Variants in UBR3 observed in about 807,000 individuals in gnomAD.
UBR3 encodes E3 ubiquitin-protein ligase UBR3.
In UBR3, 85 loss-of-function variants were observed where a neutral mutation model predicts 243.2. The observed-to-expected ratio is 0.35, with a 90% CI of 0.29 to 0.42. The LOEUF is 0.42. UBR3 is among the 10% of genes least tolerant of loss of function. The probability of loss-of-function intolerance (pLI) is 1.00; values close to 1 mark genes in which losing one functional copy is unlikely to be tolerated. For synonymous variants in UBR3, 748 were observed against 799.8 expected (o/e 0.94, Z 1.09); for missense variants, 1,686 against 2,300.8 (o/e 0.73, Z 5.47).
chr2:170,083,672 A>G lies in UBR3; in HGVS notation c.*1829A>G, dbSNP rs187013722. Reference sequence around the variant, plus strand: ...ATAATGTATTCAGACTTTGATTACTACTTATTTAAAATGGAATGTTTTATG... The same window carrying G: ...ATAATGTATTCAGACTTTGATTACTGCTTATTTAAAATGGAATGTTTTATG... On this transcript the variant is annotated 3_prime_UTR_variant, in exon 39 of 39. Coordinates refer to ENST00000272793, the MANE Select transcript of UBR3 (RefSeq NM_172070.4). 26 of 152,726 alleles carry G rather than the reference A, an allele frequency of 1.7e-4. No homozygotes were observed. Among genetic ancestry groups the G allele is most frequent in the Admixed American group, 1.1e-3 (17 of 15,296 alleles). 9.5% of individuals were successfully genotyped at this position (152,726 alleles called of 1,614,324 possible). A position where few individuals can be genotyped will look rare whatever the true frequency, so the allele number is the denominator to read the frequency against.
chr2:169,905,800 G>A (rs2084990115), intron 9 of UBR3, among the ~76,000 whole-genome samples: 2 of 152,176 alleles, frequency 1.3e-5, no homozygotes, highest in African/African-American at 2.4e-5. Flanking sequence ...AAGATATTCA[G>A]TTTATTACAT....
At position 169,947,687 on chromosome 2, in the gene UBR3, C is replaced by T; in HGVS notation, c.3056C>T (p.Thr1019Ile). The change falls in exon 22 of 39, where the codon ACT becomes ATT. Residue 1019 changes from threonine (T) to isoleucine (I), a missense_variant. Thr to Ile is a moderately conservative substitution (Grantham distance 89). This residue lies in a region of UBR3 where 300 missense variants were observed against 314.4 expected (regional missense o/e 0.95). Coordinates refer to ENST00000272793, the MANE Select transcript of UBR3 (RefSeq NM_172070.4). ...GTAAAGAGAGACTCACCTGCAAGTA[C>T]TAGCTCTGATAACTTGGGTTCTTTA... is the stretch of plus-strand genomic sequence containing the variant. ...PEVKRDSPAS[T>I]SSDNLGSLQN... 6.6e-7 allele frequency: 1 copy of T among 1,517,862 alleles called. No individual in the cohort carries two copies. The highest frequency in any genetic ancestry group is 8.8e-7 in the Non-Finnish European group (1 of 1,132,590). The allele number at this position is 1,517,862 out of a possible 1,614,324, so 94.0% of individuals were successfully genotyped here. A position where few individuals can be genotyped will look rare whatever the true frequency, so the allele number is the denominator to read the frequency against.
At chr2:169,898,511 A>G (rs1281503533) in intron 8 of UBR3, among the ~76,000 whole-genome samples, 1 of 142,006 alleles carries the variant, frequency 7.0e-6, no homozygotes, top group Non-Finnish European at 1.6e-5. Flanking sequence ...AGGGAGTTGA[A>G]GTCAATGATC....
chr2:170,010,756 A>C (rs1045616957), intron 29 of UBR3, among the ~76,000 whole-genome samples: 1 of 152,226 alleles, frequency 6.6e-6, no homozygotes, highest in African/African-American at 2.4e-5. Flanking sequence ...AATTCTGAAA[A>C]TGAGTGTATA....
intron 30 of UBR3, among the ~76,000 whole-genome samples, chr2:170,021,712 A>G (rs2090396987): frequency 6.6e-6 from 1 of 152,148 alleles, no homozygotes; most frequent in African/African-American, 2.4e-5. Context: ...TATCCCCATG[A>G]TAAAGTTTAT....
intron 37 of UBR3, 84 bp downstream of exon 37, chr2:170,080,107 C>A: frequency 8.1e-7 from 1 of 1,233,376 alleles, no homozygotes; most frequent in Non-Finnish European, 1.1e-6. Context: ...TTCATATTAA[C>A]TACTCTTTGA....
intron 19 of UBR3, among the ~76,000 whole-genome samples, chr2:169,937,408 C>T (rs1329827047): frequency 1.3e-5 from 2 of 152,124 alleles, no homozygotes; most frequent in Non-Finnish European, 2.9e-5. Flanking sequence ...TGGATATTAG[C>T]CCTTTGTCAG....
chr2:169,849,423 A>G (rs374481205), intron 1 of UBR3, among the ~76,000 whole-genome samples: 7 of 152,144 alleles, frequency 4.6e-5, no homozygotes, highest in African/African-American at 1.7e-4. Flanking sequence ...TTGAGTTCAA[A>G]TTTAATATTT....
intron 5 of UBR3, among the ~76,000 whole-genome samples, chr2:169,890,563 A>ATATATATATATG (rs1255881148): frequency 1.1e-4 from 9 of 83,882 alleles, no homozygotes; most frequent in East Asian, 9.0e-4. Flanking sequence ...ATATATATAT[A>ATATATATATATG]TGTGTATATA....
rs1207236594 is a variant in UBR3 at position 169,890,581 on chromosome 2, G to GTA, written c.1039-574_1039-573dup. ...TATATATATGTGTATATATATATAT[G>GTA]TATATATATATGTATATATATGTAT... is the stretch of plus-strand genomic sequence containing the variant. On this transcript the variant is annotated intron_variant, in intron 5 of 38. Coordinates refer to ENST00000272793, the MANE Select transcript of UBR3 (RefSeq NM_172070.4). Among the ~76,000 whole-genome samples, 287 of 96,302 alleles carry GTA rather than the reference G, an allele frequency of 3.0e-3. 10 individuals carry two copies. The highest frequency in any genetic ancestry group is 0.014 in the Middle Eastern group (3 of 212). 63.2% of individuals were successfully genotyped at this position (96,302 alleles called of 152,430 possible).
At chr2:170,010,139 T>G (rs1415900521) in intron 29 of UBR3, among the ~76,000 whole-genome samples, 1 of 152,152 alleles carries the variant, frequency 6.6e-6, no homozygotes, top group African/African-American at 2.4e-5. Flanking sequence ...TCTAGAATGT[T>G]TTTGGGGAAG....
intron 30 of UBR3, among the ~76,000 whole-genome samples, 180 bp downstream of exon 30, chr2:170,015,546 T>C (rs914001616): frequency 2.0e-5 from 3 of 151,630 alleles, no homozygotes; most frequent in Non-Finnish European, 2.9e-5. Flanking sequence ...TATTTAGCTC[T>C]TTCTAGATTA....
At chr2:170,055,218 G>C (rs1317758814) in intron 32 of UBR3, among the ~76,000 whole-genome samples, 1 of 152,158 alleles carries the variant, frequency 6.6e-6, no homozygotes, top group Non-Finnish European at 1.5e-5. Flanking sequence ...AGGCTGAGAT[G>C]AGAGGATCGC....
chr2:169,864,217 T>C (rs2083179600), intron 1 of UBR3, among the ~76,000 whole-genome samples: 1 of 152,118 alleles, frequency 6.6e-6, no homozygotes, highest in Non-Finnish European at 1.5e-5. Context: ...GGCTAATTTT[T>C]GTATTTTTTG....
At position 169,967,607 on chromosome 2, in the gene UBR3, A is replaced by G. The variant is rs377515700; in HGVS notation, c.3634+9081A>G. On this transcript the variant is annotated intron_variant, in intron 24 of 38. Coordinates refer to ENST00000272793, the MANE Select transcript of UBR3 (RefSeq NM_172070.4). ...CTGTTGTTTGTTATCAGAAAGGACA[A>G]TAGCTACTGGGTGGATAAGAACAGC... Among the ~76,000 whole-genome samples, 16 of 152,250 alleles carry G rather than the reference A, an allele frequency of 1.1e-4. No homozygotes were observed. The East Asian group carries it at 2.3e-3, about 22-fold the overall frequency.
chr2:169,920,685 C>T (rs1166026802), intron 11 of UBR3, among the ~76,000 whole-genome samples: 1 of 152,150 alleles, frequency 6.6e-6, no homozygotes, highest in Non-Finnish European at 1.5e-5. Context: ...CCATTTCAGG[C>T]ATACTCCCAG....
Position 170,043,801 on chromosome 2 carries a change from A to T in UBR3, c.4660+2816A>T, listed in dbSNP as rs1376852561. 2.0e-5 allele frequency among the ~76,000 whole-genome samples: 3 copies of T among 152,302 alleles called. No homozygotes were observed. The East Asian group carries it at 5.8e-4, about 29-fold the overall frequency. On this transcript the variant is annotated intron_variant, in intron 32 of 38. Coordinates refer to ENST00000272793, the MANE Select transcript of UBR3 (RefSeq NM_172070.4). ...TACCTGTAGTTAGAATTGCTTTTAA[A>T]ACTTGTGCTTTATATTATTTCTTAA... is the stretch of plus-strand genomic sequence containing the variant.
chr2:169,894,134 A>G (rs1398848661), intron 6 of UBR3, among the ~76,000 whole-genome samples: 2 of 152,012 alleles, frequency 1.3e-5, no homozygotes, highest in Non-Finnish European at 2.9e-5. Flanking sequence ...AGCCTGGACA[A>G]CACAGCAAGA....
intron 1 of UBR3, among the ~76,000 whole-genome samples, chr2:169,837,987 G>C (rs759107376): frequency 6.6e-6 from 1 of 151,980 alleles, no homozygotes; most frequent in Non-Finnish European, 1.5e-5. Flanking sequence ...TACTTTATTA[G>C]AACATTAAAA....
Sources: gnomAD v4.1 joint callset for allele counts (sites outside exome capture counted in the v4.1 genomes callset) on GRCh38, gnomAD v4.1.1 for gene constraint, gnomAD v4.1.1 regional missense constraint, MANE v1.5 for transcripts, NCBI Gene and HGNC (gene_info 2026-07-23, HGNC 2026-07-21) for gene names.